The following ZMAT4 variants were observed in gnomAD, a reference collection of about 807,000 sequenced individuals.
The protein encoded by ZMAT4 is zinc finger matrin-type protein 4.
Under a neutral mutation model 28.7 loss-of-function variants are expected in ZMAT4, and 17 were observed. That is an observed-to-expected ratio of 0.59 (90% CI 0.41 to 0.89). The LOEUF (loss-of-function observed/expected upper bound fraction) is 0.89, where lower values mean the gene tolerates loss of function less well. Among genes scored for constraint, ZMAT4 ranks in the 40% least tolerant of loss-of-function variants. ZMAT4 has a pLI of 0.00. For synonymous variants in ZMAT4, 117 were observed against 109.2 expected (o/e 1.07, Z -0.44); for missense variants, 240 against 283.8 (o/e 0.85, Z 1.11).
At position 40,673,540 on chromosome 8, in the gene ZMAT4, C is replaced by A. The variant is rs114069081; in HGVS notation, c.577+1164G>T. ...CCCACAAAAGCTCATCAAACTTACACCAAATCTGAAGTATAGTATCAATAG... is the reference window on the plus strand; with the variant it reads ...CCCACAAAAGCTCATCAAACTTACAACAAATCTGAAGTATAGTATCAATAG... On this transcript the variant is annotated intron_variant, in intron 5 of 6. Transcript: ENST00000297737. 2.2e-3 allele frequency among the ~76,000 whole-genome samples: 342 copies of A among 152,184 alleles called. 2 individuals carry two copies. The highest frequency in any genetic ancestry group is 8.0e-3 in the African/African-American group (331 of 41,530).
chr8:40,801,966 A>G (rs1398548883), intron 2 of ZMAT4, among the ~76,000 whole-genome samples: 1 of 152,114 alleles, frequency 6.6e-6, no homozygotes, highest in Non-Finnish European at 1.5e-5. Context: ...CGGGCTAAAG[A>G]GAAAAAAAAA....
At chr8:40,700,253 A>G (rs1467807902) in intron 3 of ZMAT4, among the ~76,000 whole-genome samples, 1 of 152,006 alleles carries the variant, frequency 6.6e-6, no homozygotes, top group Non-Finnish European at 1.5e-5. Flanking sequence ...GATTAAAAAA[A>G]AAACATTAAT....
chr8:40,564,536 T>A (rs1251113372), intron 6 of ZMAT4, among the ~76,000 whole-genome samples: 1 of 152,122 alleles, frequency 6.6e-6, no homozygotes, highest in East Asian at 1.9e-4. Context: ...AAAAGTAAAG[T>A]TTTCCTCTGT....
chr8:40,568,206 A>G (rs1803982170), intron 6 of ZMAT4, among the ~76,000 whole-genome samples: 1 of 152,158 alleles, frequency 6.6e-6, no homozygotes, highest in African/African-American at 2.4e-5. Flanking sequence ...TCATTTTGTC[A>G]AAGAGCTAGA....
intron 6 of ZMAT4, among the ~76,000 whole-genome samples, chr8:40,539,200 T>C (rs1802948653): frequency 6.6e-6 from 1 of 152,200 alleles, no homozygotes; most frequent in African/African-American, 2.4e-5. Context: ...TGTCTCTCTA[T>C]TTGTGTATTT....
At chr8:40,583,495 T>C (rs755121310) in intron 5 of ZMAT4, among the ~76,000 whole-genome samples, 1 of 152,172 alleles carries the variant, frequency 6.6e-6, no homozygotes, top group East Asian at 1.9e-4. Context: ...CTTAAAGTGA[T>C]ACCAGAGGAG....
At chr8:40,767,783 C>A in intron 2 of ZMAT4, 53 bp from the exon 3 acceptor site, 1 of 1,468,582 alleles carries the variant, frequency 6.8e-7, no homozygotes, top group Non-Finnish European at 9.3e-7. Flanking sequence ...ATTTCAAACC[C>A]TTTGAAACCT....
chr8:40,863,915 C>G (rs1817589030), intron 1 of ZMAT4, among the ~76,000 whole-genome samples: 1 of 152,132 alleles, frequency 6.6e-6, no homozygotes, highest in Non-Finnish European at 1.5e-5. Flanking sequence ...AAATAATTAT[C>G]ACACATTATT....
chr8:40,599,490 C>T (rs1442981425), intron 5 of ZMAT4, among the ~76,000 whole-genome samples: 3 of 152,106 alleles, frequency 2.0e-5, no homozygotes, highest in African/African-American at 4.8e-5. Context: ...AATTGGAAAA[C>T]TTGACCAAAG....
intron 5 of ZMAT4, among the ~76,000 whole-genome samples, chr8:40,597,026 GA>G (rs1805130111): frequency 6.6e-6 from 1 of 152,192 alleles, no homozygotes; most frequent in South Asian, 2.1e-4. Flanking sequence ...AGAAAATCCA[GA>G]ATGAGTTGTT....
intron 3 of ZMAT4, among the ~76,000 whole-genome samples, chr8:40,750,220 ATT>A (rs1187596592): frequency 6.6e-6 from 1 of 152,118 alleles, no homozygotes; most frequent in Non-Finnish European, 1.5e-5. Context: ...ATATATATAT[ATT>A]CTTAATACAT....
intron 2 of ZMAT4, among the ~76,000 whole-genome samples, chr8:40,811,258 C>G (rs1416339299): frequency 1.3e-5 from 2 of 152,166 alleles, no homozygotes; most frequent in Non-Finnish European, 2.9e-5. Flanking sequence ...AACTTACAGA[C>G]AGAAGCCTGG....
At chr8:40,885,656 T>C (rs1818426155) in intron 1 of ZMAT4, among the ~76,000 whole-genome samples, 1 of 152,220 alleles carries the variant, frequency 6.6e-6, no homozygotes. Flanking sequence ...TTTTAAATCA[T>C]GGACTGTGTT....
chr8:40,560,836 T>C (rs926876401), intron 6 of ZMAT4, among the ~76,000 whole-genome samples: 18 of 152,286 alleles, frequency 1.2e-4, no homozygotes, highest in African/African-American at 3.8e-4. Flanking sequence ...CAATGAACTT[T>C]CAAAATAACC....
At chr8:40,781,647 A>C (rs1451081739) in intron 2 of ZMAT4, among the ~76,000 whole-genome samples, 1 of 147,992 alleles carries the variant, frequency 6.8e-6, no homozygotes, top group African/African-American at 2.5e-5. Flanking sequence ...CTGTAGTCCC[A>C]GCTACTTGGG....
chr8:40,825,486 G>C, intron 2 of ZMAT4, 89 bp downstream of exon 2: 1 of 1,128,130 alleles, frequency 8.9e-7, no homozygotes, highest in Non-Finnish European at 1.3e-6. Flanking sequence ...TGTGCCCCAA[G>C]TCCAGAAGGA....
intron 5 of ZMAT4, among the ~76,000 whole-genome samples, chr8:40,628,734 G>A (rs1806464138): frequency 6.6e-6 from 1 of 152,092 alleles, no homozygotes; most frequent in Admixed American, 6.6e-5. Flanking sequence ...GCAGAGAGAT[G>A]GAAATTCTGA....
At chr8:40,562,717 G>A (rs996443196) in intron 6 of ZMAT4, among the ~76,000 whole-genome samples, 1 of 152,012 alleles carries the variant, frequency 6.6e-6, no homozygotes, top group African/African-American at 2.4e-5. Context: ...AACCCCTCCT[G>A]ATTGACAAGC....
At chr8:40,680,928 C>G (rs569799024) in intron 4 of ZMAT4, among the ~76,000 whole-genome samples, 11 of 152,236 alleles carry the variant, frequency 7.2e-5, no homozygotes, top group Admixed American at 2.0e-4. Context: ...AGAAATAAAG[C>G]CAGAATTTAT....
Sources: allele counts gnomAD v4.1 joint callset (sites outside exome capture counted in the v4.1 genomes callset), GRCh38; gene constraint gnomAD v4.1.1; transcripts MANE v1.5; gene names NCBI Gene and HGNC (gene_info 2026-07-23, HGNC 2026-07-21).